Variants in TXLNB observed in about 807,000 individuals in gnomAD.
The protein encoded by TXLNB is taxilin beta, also known as beta-taxilin.
In TXLNB, 37 loss-of-function variants were observed where a neutral mutation model predicts 57.4. The observed-to-expected ratio is 0.64, with a 90% CI of 0.50 to 0.85. TXLNB has a LOEUF of 0.85. Ranked by LOEUF, TXLNB falls within the 40% of genes least tolerant of loss-of-function variation. The pLI is 0.00. For missense variants in TXLNB, 848 were observed against 825.6 expected, an observed-to-expected ratio of 1.03 and a Z score of -0.33; for synonymous variants, 302 against 309.6, an observed-to-expected ratio of 0.98 and a Z score of 0.26.
the TXLNB span, among the ~76,000 whole-genome samples, chr6:139,318,665 T>C: frequency 2.0e-5 from 3 of 152,188 alleles, no homozygotes; most frequent in African/African-American, 4.8e-5. Flanking sequence ...TAGATGACAA[T>C]GGAAGACAAT....
chr6:139,237,301 A>G (rs12213657), downstream of TXLNB: 116,947 of 151,806 alleles, frequency 0.77, 45,177 homozygotes, highest in Admixed American at 0.79. Flanking sequence ...GGAGATCGAG[A>G]CCATCCTGGC....
the TXLNB span, among the ~76,000 whole-genome samples, chr6:139,185,869 C>A: frequency 6.6e-6 from 1 of 152,186 alleles, no homozygotes; most frequent in Non-Finnish European, 1.5e-5. Flanking sequence ...GCCTATCTCT[C>A]TCTTTCCTAC....
chr6:139,260,341 G>T lies in TXLNB; in HGVS notation c.979C>A (p.Arg327=), dbSNP rs531949108. ...AQEMMKEAEE[R]HKREKEYLLN... ...ACATATTCCTTTTCTCGTTTGTGTC[G>T]CTCCTCCGCTTCCTTCATCATTTCT... Residue 327 remains arginine, a synonymous_variant, in exon 6 of 10, where the codon CGA becomes AGA. Transcript: ENST00000358430. 34 of 1,613,904 alleles carry T rather than the reference G, an allele frequency of 2.1e-5. No individual in the cohort carries two copies. In the South Asian group the frequency reaches 3.6e-4, roughly 17 times the overall value.
At chr6:139,187,528 T>C in the TXLNB span, among the ~76,000 whole-genome samples, 1 of 151,858 alleles carries the variant, frequency 6.6e-6, no homozygotes, top group African/African-American at 2.4e-5. Context: ...ATTTTTTTTT[T>C]ATAATTATAT....
At chr6:139,263,743 C>A (rs1046632281) in intron 4 of TXLNB, among the ~76,000 whole-genome samples, 1 of 152,106 alleles carries the variant, frequency 6.6e-6, no homozygotes, top group Non-Finnish European at 1.5e-5. Flanking sequence ...GAGACATTTA[C>A]GTGGCTGACA....
chr6:139,260,801 A>C (rs542298003), intron 5 of TXLNB, among the ~76,000 whole-genome samples: 6 of 152,368 alleles, frequency 3.9e-5, no homozygotes, highest in Non-Finnish European at 5.9e-5. Flanking sequence ...CAGGGGCTAC[A>C]GTTGTATCAT....
chr6:139,309,425 G>A, the TXLNB span, among the ~76,000 whole-genome samples: 1 of 152,170 alleles, frequency 6.6e-6, no homozygotes, highest in Non-Finnish European at 1.5e-5. Flanking sequence ...ACAGGCCTTT[G>A]TAGATGCATA....
chr6:139,256,845 A>G (rs555816711), intron 6 of TXLNB, among the ~76,000 whole-genome samples: 1 of 152,350 alleles, frequency 6.6e-6, no homozygotes, highest in Admixed American at 6.5e-5. Context: ...GTGTGACTGA[A>G]TTCTATGCTT....
chr6:139,201,119 A>T, the TXLNB span, among the ~76,000 whole-genome samples: 445 of 152,346 alleles, frequency 2.9e-3, 4 homozygotes, highest in African/African-American at 9.3e-3. Context: ...GAAATAAATT[A>T]AAAAATCCTT....
chr6:139,199,750 T>C, the TXLNB span: 1 of 152,362 alleles, frequency 6.6e-6, no homozygotes. Flanking sequence ...TAGAGCATGG[T>C]GCATTTCTAG....
the TXLNB span, among the ~76,000 whole-genome samples, chr6:139,161,739 C>G: frequency 2.0e-5 from 3 of 152,226 alleles, no homozygotes; most frequent in African/African-American, 7.2e-5. Flanking sequence ...TTCCTTTGAC[C>G]TAATTTGATT....
chr6:139,177,372 G>T, the TXLNB span: 1 of 266,966 alleles, frequency 3.7e-6, no homozygotes, highest in Non-Finnish European at 7.0e-6. This position sits in a 1 kb window ranked among gnomAD's most constrained non-coding sequence, Gnocchi z 4.9. Flanking sequence ...GCAGCTTTAA[G>T]ATGGTGGGGA....
Position 139,243,886 on chromosome 6 carries a change from CG to C in TXLNB, c.1267-573del, listed in dbSNP as rs113683350. ...TAATTCACGATGCTGGCTGCTCAAA[CG>C]GTTCAGTTTTTTCCTCTAGAAATGT... On this transcript the variant is annotated intron_variant, in intron 9 of 9. Transcript: ENST00000358430. Among the ~76,000 whole-genome samples the C allele has an allele frequency of 1.6e-3, 247 of 152,314 alleles. 5 individuals are homozygous for C. In the East Asian group the frequency reaches 0.025, roughly 16 times the overall value.
the TXLNB span, among the ~76,000 whole-genome samples, chr6:139,317,078 G>C: frequency 2.1e-4 from 32 of 152,178 alleles, no homozygotes; most frequent in Admixed American, 2.0e-3. Context: ...TGGAAGCTAA[G>C]AGGCTGAGAA....
Position 139,288,687 on chromosome 6 carries a change from C to G in TXLNB, c.213G>C (p.Gly71=). The change falls in exon 2 of 10, where the codon GGG becomes GGC. Residue 71 remains glycine (G), a synonymous_variant. Transcript: ENST00000358430. The part of the protein sequence containing the change: ...RQLEDIINTY[G]SAASTAGKEG... ...CTTTCCCTGCTGTGCTGGCAGCAGA[C>G]CCATAAGTGTTAATGATGTCTTCCA... The G allele has an allele frequency of 6.2e-7, 1 of 1,614,158 alleles. No individual in the cohort carries two copies. The highest frequency in any genetic ancestry group is 8.5e-7 in the Non-Finnish European group (1 of 1,180,024).
chr6:139,222,667 C>T, the TXLNB span, among the ~76,000 whole-genome samples: 1 of 151,974 alleles, frequency 6.6e-6, no homozygotes, highest in Non-Finnish European at 1.5e-5. Flanking sequence ...TTAGCCGGGC[C>T]TGGTGGCACA....
rs1025667868 is a variant in TXLNB at position 139,241,969 on chromosome 6, G to A, written c.*557C>T. ...GTGAGAGAAATGTATGTGTAATAATGCATTTATATATACATATAGATACGT... is the reference window on the plus strand; with the variant it reads ...GTGAGAGAAATGTATGTGTAATAATACATTTATATATACATATAGATACGT... On this transcript the variant is annotated 3_prime_UTR_variant, in exon 10 of 10. Transcript: ENST00000358430. 1.3e-5 allele frequency: 2 copies of A among 151,876 alleles called. No individual in the cohort carries two copies. Among genetic ancestry groups the A allele is most frequent in the African/African-American group, 4.8e-5 (2 of 41,316 alleles). 9.4% of individuals were successfully genotyped at this position (151,876 alleles called of 1,614,324 possible).
the TXLNB span, among the ~76,000 whole-genome samples, chr6:139,316,910 G>A: frequency 2.6e-5 from 4 of 152,172 alleles, no homozygotes; most frequent in Admixed American, 2.0e-4. Context: ...GGAGGCAAAG[G>A]TTGGAGTTCA....
rs1229293562 is a variant in TXLNB at position 139,285,608 on chromosome 6, G to C, written c.424+2868C>G. On this transcript the variant is annotated intron_variant, in intron 2 of 9. Transcript: ENST00000358430. ...TCTGAGTTCTTTTAATTTTATCCTA[G>C]TTGGGTGAAGTATGCTACCTGAATG... Among the ~76,000 whole-genome samples, 2 of 145,074 alleles carry C rather than the reference G, an allele frequency of 1.4e-5. 1 individual carries two copies. The highest frequency in any genetic ancestry group is 5.1e-5 in the African/African-American group (2 of 39,378).
Sources: allele counts gnomAD v4.1 joint callset (sites outside exome capture counted in the v4.1 genomes callset), GRCh38; gene constraint gnomAD v4.1.1; non-coding constraint Gnocchi (gnomAD v3.1); transcripts MANE v1.5; gene names NCBI Gene and HGNC (gene_info 2026-07-23, HGNC 2026-07-21).